Variants in EWSR1 observed in about 807,000 individuals in gnomAD.
EWSR1 encodes the protein EWS RNA binding protein 1, also known as RNA-binding protein EWS.
A neutral mutation model predicts 92.1 loss-of-function variants in EWSR1; 14 were observed. The ratio of observed to expected loss-of-function variants is 0.15; its 90% CI spans 0.10 to 0.24. The LOEUF is 0.24. Among genes scored for constraint, EWSR1 ranks in the 10% least tolerant of loss-of-function variants. The probability of loss-of-function intolerance (pLI) is 1.00; values close to 1 mark genes in which losing one functional copy is unlikely to be tolerated. For synonymous variants in EWSR1, 303 were observed against 292.9 expected (o/e 1.03, Z -0.35); for missense variants, 637 against 870.9 (o/e 0.73, Z 3.38).
At chr22:29,295,678 C>CA in intron 11 of EWSR1, 1 of 222,390 alleles carries the variant, frequency 4.5e-6, no homozygotes. Context: ...ATATATAATG[C>CA]AAAAAAGTAC....
intron 13 of EWSR1, among the ~76,000 whole-genome samples, chr22:29,298,508 A>C (rs545759655): frequency 2.6e-5 from 2 of 76,542 alleles, no homozygotes; most frequent in African/African-American, 1.4e-4. Flanking sequence ...CTCCGTCTCC[A>C]AAAAAAAAAA....
At chr22:29,271,632 T>C (rs1482484477) in intron 1 of EWSR1, among the ~76,000 whole-genome samples, 2 of 152,242 alleles carry the variant, frequency 1.3e-5, no homozygotes. Context: ...TGCACAAATA[T>C]AGTTCTGACA....
rs1039494518 is a variant in EWSR1, at chr22:29,278,268, G to A, written c.413+52G>A. ...CAGTCTTATGTTGGAGGGAAAGAAA[G>A]CAACTGTGTACACTTAAAATAATCT... On this transcript the variant is annotated intron_variant, in intron 5 of 16. Coordinates refer to ENST00000397938, the MANE Select transcript of EWSR1 (RefSeq NM_005243.4). The A allele has an allele frequency of 4.5e-6, 7 of 1,549,892 alleles. No individual in the cohort carries two copies. The African/African-American group carries it at 8.2e-5, about 18-fold the overall frequency.
rs1473716758 is a variant in EWSR1 at position 29,300,494 on chromosome 22, T to TA, written c.*336dup. ...GGTTGTGATGTTTTTTTTTTTTTTTTAAATAAAATTCCAAATGTTTATAAA... is the reference window on the plus strand; with the variant it reads ...GGTTGTGATGTTTTTTTTTTTTTTTTAAAATAAAATTCCAAATGTTTATAAA... On this transcript the variant is annotated 3_prime_UTR_variant, in exon 17 of 17. Transcript: ENST00000397938. 5 of 236,138 alleles carry TA rather than the reference T, an allele frequency of 2.1e-5. No individual in the cohort carries two copies. The highest frequency in any genetic ancestry group is 6.9e-5 in the East Asian group (1 of 14,394). The allele number at this position is 236,138 out of a possible 1,614,324, so 14.6% of individuals were successfully genotyped here.
At chr22:29,280,176 T>C (rs1341400379) in intron 5 of EWSR1, among the ~76,000 whole-genome samples, 2 of 152,068 alleles carry the variant, frequency 1.3e-5, no homozygotes, top group Non-Finnish European at 2.9e-5. Flanking sequence ...CAAGCAATTC[T>C]CCTGGCTTAG....
chr22:29,270,223 C>T (rs1262674687), intron 1 of EWSR1, among the ~76,000 whole-genome samples: 1 of 152,214 alleles, frequency 6.6e-6, no homozygotes, highest in African/African-American at 2.4e-5. Context: ...TAGAAGTTTT[C>T]TCTCCTCGTA....
At chr22:29,297,802 T>C (rs749291321) in intron 12 of EWSR1, 25 bp from the exon 13 acceptor site, 11 of 1,613,084 alleles carry the variant, frequency 6.8e-6, no homozygotes, top group South Asian at 4.4e-5. Context: ...AGGGGAGTAA[T>C]TGATGTTCTG....
intron 1 of EWSR1, among the ~76,000 whole-genome samples, chr22:29,270,328 C>G (rs1230514205): frequency 6.6e-6 from 1 of 152,178 alleles, no homozygotes; most frequent in Non-Finnish European, 1.5e-5. Context: ...CCCCAGCGCT[C>G]AATCACAGTG....
At chr22:29,291,262 CG>C in intron 8 of EWSR1, 1 of 352,660 alleles carries the variant, frequency 2.8e-6, no homozygotes, top group Non-Finnish European at 5.1e-6. Context: ...TTTCACCTGA[CG>C]GGGTGGGTGT....
rs72549219 is a variant in EWSR1 at position 29,296,196 on chromosome 22, T to C, written c.1165-43T>C. ...TTGCCTGGACTTTTTTCTCCCAAAT[T>C]AGTATATTCTAGTCATGCCTAACTA... On this transcript the variant is annotated intron_variant, in intron 11 of 16. Coordinates refer to ENST00000397938, the MANE Select transcript of EWSR1 (RefSeq NM_005243.4). 14 of 1,571,890 alleles carry C rather than the reference T, an allele frequency of 8.9e-6. No homozygotes were observed. In the East Asian group the frequency reaches 3.2e-4, roughly 36 times the overall value.
Position 29,300,346 on chromosome 22 carries a change from G to GT in EWSR1, c.*194dup, listed in dbSNP as rs897774682. 983 of 567,080 alleles carry GT rather than the reference G, an allele frequency of 1.7e-3. No homozygotes were observed. The highest frequency in any genetic ancestry group is 3.0e-3 in the Middle Eastern group (6 of 1,978). The allele number at this position is 567,080 out of a possible 1,614,324, so 35.1% of individuals were successfully genotyped here. A position where few individuals can be genotyped will look rare whatever the true frequency, so the allele number is the denominator to read the frequency against. On this transcript the variant is annotated 3_prime_UTR_variant, in exon 17 of 17. Coordinates refer to ENST00000397938, the MANE Select transcript of EWSR1 (RefSeq NM_005243.4). ...AACAAGTTAAATGGTAGTGTGCGGA[G>GT]TTTTTTTTTCTTCCTTCTTTTAAAA...
intron 8 of EWSR1, 51 bp from the exon 9 acceptor site, chr22:29,291,511 G>A (rs760835005): frequency 2.7e-5 from 43 of 1,592,822 alleles, no homozygotes; most frequent in Non-Finnish European, 3.5e-5. Context: ...GGCTCAGAGC[G>A]GTACTGGCTT....
rs1569049967 is a variant in EWSR1, at chr22:29,273,869, G to T, written c.226+5G>T. On this transcript the variant is annotated splice_donor_5th_base_variant and intron_variant, in intron 4 of 16. Transcript: ENST00000397938. ...CTTATGGACAGCCTCCCACTGGTAA[G>T]GCCTGCCTTGGAGAGATTTTTGGGT... is the stretch of plus-strand genomic sequence containing the variant. 2.5e-6 allele frequency: 4 copies of T among 1,613,520 alleles called. No individual in the cohort carries two copies. Among genetic ancestry groups the T allele is most frequent in the African/African-American group, 1.3e-5 (1 of 74,976 alleles).
chr22:29,272,632 G>T (rs1254995976), intron 3 of EWSR1, among the ~76,000 whole-genome samples: 4 of 152,186 alleles, frequency 2.6e-5, no homozygotes, highest in Non-Finnish European at 5.9e-5. Context: ...GCTGATAATT[G>T]ACTCTTTATA....
intron 4 of EWSR1, 48 bp downstream of exon 4, chr22:29,273,912 T>G (rs143395389): frequency 2.5e-6 from 4 of 1,608,308 alleles, no homozygotes; most frequent in Non-Finnish European, 3.4e-6. Flanking sequence ...GCTAGGGCAT[T>G]GGCTAAGAAG....
rs753568405 is a variant in EWSR1 at position 29,272,342 on chromosome 22, G to C, written c.51-38G>C. On this transcript the variant is annotated intron_variant, in intron 2 of 16. Coordinates refer to ENST00000397938, the MANE Select transcript of EWSR1 (RefSeq NM_005243.4). ...ATAATTGTAGAGGTGGTATTTGAATGTTCTCTATTCAAGTTATTGCATTTA... is the reference window on the plus strand; with the variant it reads ...ATAATTGTAGAGGTGGTATTTGAATCTTCTCTATTCAAGTTATTGCATTTA... 4.3e-6 allele frequency: 7 copies of C among 1,610,372 alleles called. No individual in the cohort carries two copies. The Admixed American group carries it at 1.2e-4, about 27-fold the overall frequency.
chr22:29,282,595 A>G (rs1365281128), intron 6 of EWSR1, 38 bp downstream of exon 6: 5 of 1,485,478 alleles, frequency 3.4e-6, no homozygotes, highest in Non-Finnish European at 4.5e-6. Context: ...AAACAGTGAC[A>G]AAACAGTTTT....
At chr22:29,270,900 A>C (rs1161582043) in intron 1 of EWSR1, among the ~76,000 whole-genome samples, 4 of 152,190 alleles carry the variant, frequency 2.6e-5, no homozygotes, top group Non-Finnish European at 5.9e-5. Flanking sequence ...TTTTCATTAT[A>C]GGTTAGCCTT....
intron 4 of EWSR1, chr22:29,277,742 A>G (rs530178033): frequency 3.8e-5 from 14 of 373,286 alleles, no homozygotes; most frequent in African/African-American, 2.8e-4. Context: ...TATTCACAGC[A>G]TTCAAGAGGG....
Sources: gnomAD v4.1 joint callset for allele counts (sites outside exome capture counted in the v4.1 genomes callset) on GRCh38, gnomAD v4.1.1 for gene constraint, MANE v1.5 for transcripts, NCBI Gene and HGNC (gene_info 2026-07-23, HGNC 2026-07-21) for gene names.